EMC10: variants seen among roughly 807,000 people sequenced by gnomAD.
EMC10 encodes the protein ER membrane protein complex subunit 10, also known as UPF0510 protein INM02.
In EMC10, 40 loss-of-function variants were observed where a neutral mutation model predicts 32.2. That is an observed-to-expected ratio of 1.24 (90% CI 0.96 to 1.61). EMC10 has a LOEUF of 1.61. Among genes scored for constraint, EMC10 ranks in the 40% most tolerant of loss-of-function variants. The pLI, the probability that EMC10 is intolerant of heterozygous loss-of-function variation, is 0.00. For missense variants in EMC10, 402 were observed against 357.7 expected (o/e 1.12, Z -1.00); for synonymous variants, 178 against 158.4 (o/e 1.12, Z -0.93).
rs1978422993 is a variant in EMC10, at chr19:50,487,837, C to T, written c.*5578C>T. The T allele has an allele frequency of 6.6e-6, 1 of 152,162 alleles. No individual in the cohort carries two copies. The highest frequency in any genetic ancestry group is 1.5e-5 in the Non-Finnish European group (1 of 68,376). The allele number at this position is 152,162 out of a possible 1,614,324, so 9.4% of individuals were successfully genotyped here. On this transcript the variant is annotated 3_prime_UTR_variant, in exon 7 of 7. Transcript: ENST00000334976. The stretch of plus-strand genomic sequence containing the variant: ...AAGGACAGGGCAGAGACAGAGAAAC[C>T]AGAGAGAGGGAAGGAAGAGAGACCC...
At chr19:50,478,664 T>G (rs1028656062) in intron 2 of EMC10, among the ~76,000 whole-genome samples, 1 of 152,186 alleles carries the variant, frequency 6.6e-6, no homozygotes, top group African/African-American at 2.4e-5. Flanking sequence ...TATTTTGCAG[T>G]TGGGGAAGCT....
chr19:50,478,930 G>A (rs978697618), intron 2 of EMC10, 27 bp from the exon 3 acceptor site: 74 of 1,551,622 alleles, frequency 4.8e-5, no homozygotes, highest in Non-Finnish European at 6.4e-5. Flanking sequence ...GGGGGAGGGG[G>A]CGTCTCTGAA....
chr19:50,478,673 C>G (rs2040269106), intron 2 of EMC10, among the ~76,000 whole-genome samples: 1 of 152,194 alleles, frequency 6.6e-6, no homozygotes, highest in Non-Finnish European at 1.5e-5. Flanking sequence ...GTTGGGGAAG[C>G]TGAGGCTCAG....
chr19:50,482,021 G>A (rs976124025), intron 6 of EMC10, 128 bp from the exon 7 acceptor site: 11 of 1,581,042 alleles, frequency 7.0e-6, no homozygotes, highest in Non-Finnish European at 9.6e-6. Context: ...AGGGGACCTG[G>A]GCGCCCTCCC....
In EMC10 at chr19:50,486,590, C is replaced by A. The variant is rs190673969; in HGVS notation, c.*4331C>A. Reference sequence around the variant, plus strand: ...GTCCATCCTCCTTTATTTGTACCCACCTTCCAGTCAGCAAGGCACAACAAT... The same window carrying A: ...GTCCATCCTCCTTTATTTGTACCCAACTTCCAGTCAGCAAGGCACAACAAT... On this transcript the variant is annotated 3_prime_UTR_variant, in exon 7 of 7. Coordinates refer to ENST00000334976, the MANE Select transcript of EMC10 (RefSeq NM_206538.4). The A allele has an allele frequency of 2.4e-4, 36 of 152,294 alleles. No individual in the cohort carries two copies. Among genetic ancestry groups the A allele is most frequent in the African/African-American group, 8.7e-4 (36 of 41,558 alleles). 9.4% of individuals were successfully genotyped at this position (152,294 alleles called of 1,614,324 possible).
intron 1 of EMC10, 108 bp downstream of exon 1, chr19:50,476,766 A>G (rs532326069): frequency 2.9e-6 from 2 of 692,596 alleles, no homozygotes; most frequent in African/African-American, 1.9e-5. Flanking sequence ...CTGAGAGGGA[A>G]GAGGTGGGAG....
intron 1 of EMC10, among the ~76,000 whole-genome samples, chr19:50,477,709 G>A (rs111801066): frequency 1.0e-3 from 157 of 152,324 alleles, no homozygotes; most frequent in African/African-American, 3.7e-3. Flanking sequence ...ATGAGGTTAG[G>A]CATGTTTGTA....
At position 50,480,730 on chromosome 19, in the gene EMC10, G is replaced by C. The variant is rs759126769; in HGVS notation, c.552G>C (p.Ser184=). 1.9e-6 allele frequency: 3 copies of C among 1,602,138 alleles called. No individual in the cohort carries two copies. The highest frequency in any genetic ancestry group is 2.6e-6 in the Non-Finnish European group (3 of 1,174,828). Residue 184 remains serine (S), a synonymous_variant, in exon 5 of 7, where the codon TCG becomes TCC. Transcript: ENST00000334976. This position sits in a 1 kb window ranked among gnomAD's most constrained non-coding sequence, Gnocchi z 4.4. ...EDVDLELFNT[S]VQLQPPTTAP... ...TGGACCTGGAGCTGTTCAACACCTC[G>C]GTGCAGCTGCAGCCGCCCACCACAG... is the stretch of plus-strand genomic sequence containing the variant.
intron 1 of EMC10, 26 bp downstream of exon 1, chr19:50,476,684 C>G: frequency 7.1e-7 from 1 of 1,402,554 alleles, no homozygotes; most frequent in South Asian, 1.4e-5. Context: ...CTGTGCATAG[C>G]GGGCGCGGTC....
rs1448081341 is a variant in EMC10, at chr19:50,485,351, A to G, written c.*3092A>G. The G allele has an allele frequency of 6.6e-6, 1 of 151,528 alleles. No homozygotes were observed. The highest frequency in any genetic ancestry group is 2.4e-5 in the African/African-American group (1 of 41,142). 9.4% of individuals were successfully genotyped at this position (151,528 alleles called of 1,614,324 possible). A position where few individuals can be genotyped will look rare whatever the true frequency, so the allele number is the denominator to read the frequency against. On this transcript the variant is annotated 3_prime_UTR_variant, in exon 7 of 7. Transcript: ENST00000334976. ...CCAACTCATCTCCAGCTCAGATCCCACCCCTGATCTCCAGACTCATGGCCC... is the reference window on the plus strand; with the variant it reads ...CCAACTCATCTCCAGCTCAGATCCCGCCCCTGATCTCCAGACTCATGGCCC...
In EMC10 at chr19:50,486,644, G is replaced by A. The variant is rs1299966906; in HGVS notation, c.*4385G>A. 1.3e-5 allele frequency: 2 copies of A among 152,032 alleles called. No individual in the cohort carries two copies. Among genetic ancestry groups the A allele is most frequent in the African/African-American group, 4.8e-5 (2 of 41,386 alleles). 9.4% of individuals were successfully genotyped at this position (152,032 alleles called of 1,614,324 possible). ...GTTACAAAGGAAACAAACTCAATTT[G>A]GCCCATTTCCTGGAAATGCAATCTC... is the stretch of plus-strand genomic sequence containing the variant. On this transcript the variant is annotated 3_prime_UTR_variant, in exon 7 of 7. Coordinates refer to ENST00000334976, the MANE Select transcript of EMC10 (RefSeq NM_206538.4).
At chr19:50,481,998 C>T (rs372380264) in intron 6 of EMC10, 151 bp from the exon 7 acceptor site, 2 of 1,600,528 alleles carry the variant, frequency 1.2e-6, no homozygotes, top group African/African-American at 2.7e-5. Flanking sequence ...CCCTCCCTGA[C>T]CTGTAGTGAC....
In EMC10 at chr19:50,480,672, C is replaced by G; in HGVS notation, c.494C>G (p.Pro165Arg). The change falls in exon 5 of 7, where the codon CCC becomes CGC. Residue 165 changes from proline (P) to arginine (R), a missense_variant. Transcript: ENST00000334976. The surrounding 1 kb of genome is among the most constrained non-coding windows in gnomAD (Gnocchi z 4.4). Reference protein sequence around the residue: ...NVVGVSVVTHPGGCRGHEVED... With the variant: ...NVVGVSVVTHRGGCRGHEVED... ...GTGGGCGTGTCGGTGGTGACGCACC[C>G]CGGGGGCTGCCGGGGCCATGAGGTG... 1 of 1,600,128 alleles carries G rather than the reference C, an allele frequency of 6.2e-7. No individual in the cohort carries two copies. The highest frequency in any genetic ancestry group is 8.5e-7 in the Non-Finnish European group (1 of 1,174,354).
rs1238482848 is a variant in EMC10, at chr19:50,480,933, A to G, written c.634A>G (p.Lys212Glu). 1.2e-6 allele frequency: 2 copies of G among 1,612,840 alleles called. No individual in the cohort carries two copies. The highest frequency in any genetic ancestry group is 2.7e-5 in the African/African-American group (2 of 74,870). ...GCGCCTGGAGATGGAACAGGCCCAG[A>G]AGGCCAAGAACCCCCAGGAGCAGAA... ...IERLEMEQAQ[K>E]AKNPQEQKSF... The change falls in exon 6 of 7, where the codon AAG becomes GAG. Residue 212 changes from lysine (K) to glutamate (E), a missense_variant. Physicochemically the swap from Lys to Glu is moderately conservative, Grantham distance 56 (BLOSUM62 1). Transcript: ENST00000334976. The surrounding 1 kb of genome is among the most constrained non-coding windows in gnomAD (Gnocchi z 4.4).
In EMC10 at chr19:50,476,620, C is replaced by G; in HGVS notation, c.76C>G (p.Arg26Gly). Residue 26 changes from arginine (R) to glycine (G), a missense_variant, in exon 1 of 7, where the codon CGG becomes GGG. Coordinates refer to ENST00000334976, the MANE Select transcript of EMC10 (RefSeq NM_206538.4). ...GGCGGTAGCAGCGCCCAGTCGAGCC[C>G]GGGGCAGCGGCTGCCGGGCCGGGAC... Reference protein sequence around the residue: ...LMAVAAPSRARGSGCRAGTGA... With the variant: ...LMAVAAPSRAGGSGCRAGTGA... 3.2e-6 allele frequency: 5 copies of G among 1,555,320 alleles called. No individual in the cohort carries two copies. The highest frequency in any genetic ancestry group is 4.3e-6 in the Non-Finnish European group (5 of 1,156,246).
rs747329086 is a variant in EMC10 at position 50,480,353 on chromosome 19, G to A, written c.402+138G>A. The stretch of plus-strand genomic sequence containing the variant: ...AGACTCAGACCTGGCCTTGCCTTCC[G>A]AGGCCTCCTGGTCTGGAGGGGTCGG... On this transcript the variant is annotated intron_variant, in intron 4 of 6. Transcript: ENST00000334976. The surrounding 1 kb of genome is among the most constrained non-coding windows in gnomAD (Gnocchi z 4.4). The A allele has an allele frequency of 1.2e-4, 117 of 1,016,166 alleles. No homozygotes were observed. The highest frequency in any genetic ancestry group is 1.2e-4 in the Admixed American group (5 of 41,104). The allele number at this position is 1,016,166 out of a possible 1,614,324, so 62.9% of individuals were successfully genotyped here.
chr19:50,482,096 C>T lies in EMC10; in HGVS notation c.679-53C>T. 2.2e-6 allele frequency: 3 copies of T among 1,389,038 alleles called. No homozygotes were observed. The South Asian group carries it at 3.5e-5, about 16-fold the overall frequency. The allele number at this position is 1,389,038 out of a possible 1,614,324, so 86.0% of individuals were successfully genotyped here. A position where few individuals can be genotyped will look rare whatever the true frequency, so the allele number is the denominator to read the frequency against. On this transcript the variant is annotated intron_variant, in intron 6 of 6. Transcript: ENST00000334976. The stretch of plus-strand genomic sequence containing the variant: ...GGGTGATGCCCACACTCACCTCCTT[C>T]CCCTCTCTCTCTCTTTCTGTGTCTG...
At chr19:50,481,776 C>G in intron 6 of EMC10, 1 of 1,215,922 alleles carries the variant, frequency 8.2e-7, no homozygotes, top group Admixed American at 2.7e-5. Context: ...GCCCTGCTGC[C>G]CACTCGAGCG....
rs1389607783 is a variant in EMC10, at chr19:50,486,567, C to G, written c.*4308C>G. 6.6e-6 allele frequency: 1 copy of G among 152,126 alleles called. No homozygotes were observed. Among genetic ancestry groups the G allele is most frequent in the Admixed American group, 6.6e-5 (1 of 15,250 alleles). 9.4% of individuals were successfully genotyped at this position (152,126 alleles called of 1,614,324 possible). ...TACTGGTGCCTCTTCAGCTGTCAGT[C>G]CATCCTCCTTTATTTGTACCCACCT... On this transcript the variant is annotated 3_prime_UTR_variant, in exon 7 of 7. Transcript: ENST00000334976.
Sources: gnomAD v4.1 joint callset for allele counts (sites outside exome capture counted in the v4.1 genomes callset) on GRCh38, gnomAD v4.1.1 for gene constraint, Gnocchi (gnomAD v3.1) non-coding constraint, MANE v1.5 for transcripts, NCBI Gene and HGNC (gene_info 2026-07-23, HGNC 2026-07-21) for gene names.